The following ZFP91 variants were observed in gnomAD, a reference collection of about 807,000 sequenced individuals.
ZFP91 encodes E3 ubiquitin-protein ligase ZFP91.
In ZFP91, 7 loss-of-function variants were observed where a neutral mutation model predicts 63.5. The observed-to-expected ratio is 0.11, with a 90% CI of 0.06 to 0.21. The LOEUF (loss-of-function observed/expected upper bound fraction) is 0.21, where lower values mean the gene tolerates loss of function less well. ZFP91 is among the 10% of genes least tolerant of loss of function. The pLI is 1.00. For synonymous variants in ZFP91, 330 were observed against 272.1 expected (o/e 1.21, Z -2.10); for missense variants, 628 against 736.6 (o/e 0.85, Z 1.71).
At chr11:58,596,520 T>C (rs946345275) in intron 2 of ZFP91, among the ~76,000 whole-genome samples, 1 of 152,206 alleles carries the variant, frequency 6.6e-6, no homozygotes, top group African/African-American at 2.4e-5. Flanking sequence ...AAGTTTTTAA[T>C]GTTAGTTTGT....
In ZFP91 at chr11:58,579,072, G is replaced by GCC. The variant is rs1429684664; in HGVS notation, c.-209_-208insCC. On this transcript the variant is annotated 5_prime_UTR_variant, in exon 1 of 11. Transcript: ENST00000316059. Reference sequence around the variant, plus strand: ...GGCCCGCTGAGCGTCTGTGGCGCGCGCGCGCGCGCCGCCAGCGGTAGCGGA... The same window carrying GCC: ...GGCCCGCTGAGCGTCTGTGGCGCGCGCCCGCGCGCGCCGCCAGCGGTAGCGGA... 2.7e-6 allele frequency: 1 copy of GCC among 371,850 alleles called. No homozygotes were observed. The highest frequency in any genetic ancestry group is 4.7e-6 in the Non-Finnish European group (1 of 213,082). 23.0% of individuals were successfully genotyped at this position (371,850 alleles called of 1,614,324 possible). A position where few individuals can be genotyped will look rare whatever the true frequency, so the allele number is the denominator to read the frequency against.
rs977509730 is a variant in ZFP91, at chr11:58,618,342, A to G, written c.*636A>G. 2 of 196,886 alleles carry G rather than the reference A, an allele frequency of 1.0e-5. No individual in the cohort carries two copies. The highest frequency in any genetic ancestry group is 4.8e-5 in the African/African-American group (2 of 42,046). 12.2% of individuals were successfully genotyped at this position (196,886 alleles called of 1,614,324 possible). Reference sequence around the variant, plus strand: ...CACCTCCCCCTTCTTTGATCCCAGCATCTCAGTCCCCCTCCCAACCCTCCA... The same window carrying G: ...CACCTCCCCCTTCTTTGATCCCAGCGTCTCAGTCCCCCTCCCAACCCTCCA... On this transcript the variant is annotated 3_prime_UTR_variant, in exon 11 of 11. Transcript: ENST00000316059.
intron 7 of ZFP91, 116 bp downstream of exon 7, chr11:58,612,444 G>A (rs1855681028): frequency 3.1e-6 from 3 of 983,590 alleles, no homozygotes; most frequent in African/African-American, 1.6e-5. Context: ...TTTCACAAAA[G>A]CAACTTCACT....
chr11:58,612,570 A>G, intron 7 of ZFP91, 192 bp from the exon 8 acceptor site: 1 of 623,626 alleles, frequency 1.6e-6, no homozygotes, highest in Non-Finnish European at 2.8e-6. Context: ...TTACTTTTTA[A>G]TTCTGTCAAA....
intron 2 of ZFP91, among the ~76,000 whole-genome samples, chr11:58,589,996 A>G (rs907369412): frequency 3.9e-5 from 6 of 152,178 alleles, no homozygotes; most frequent in South Asian, 2.1e-4. Context: ...CGACACAGTT[A>G]TAAGTTTATT....
chr11:58,580,940 T>G (rs1015998099), intron 1 of ZFP91, among the ~76,000 whole-genome samples: 2 of 152,238 alleles, frequency 1.3e-5, no homozygotes, highest in African/African-American at 2.4e-5. Context: ...TTGTTTAATC[T>G]CATGAATTTG....
intron 2 of ZFP91, among the ~76,000 whole-genome samples, chr11:58,603,724 C>T (rs1230243884): frequency 6.6e-6 from 1 of 152,216 alleles, no homozygotes; most frequent in Non-Finnish European, 1.5e-5. Context: ...AACCATTATC[C>T]ACAAAAGCTT....
chr11:58,609,878 A>T lies in ZFP91; in HGVS notation c.419A>T (p.Glu140Val). ...GAAGACGATTCTGCCCTCCCTCAGG[A>T]AGTTTCCATTGCTGCATCTAGACCT... The part of the protein sequence containing the change: ...EEEDDSALPQ[E>V]VSIAASRPSR... The change falls in exon 3 of 11, where the codon GAA becomes GTA. Residue 140 changes from glutamate to valine, a missense_variant. Physicochemically the swap from Glu to Val is moderately radical, Grantham distance 121 (BLOSUM62 -2). Transcript: ENST00000316059. 1 of 1,614,210 alleles carries T rather than the reference A, an allele frequency of 6.2e-7. No homozygotes were observed. The highest frequency in any genetic ancestry group is 8.5e-7 in the Non-Finnish European group (1 of 1,180,044).
chr11:58,594,565 T>C (rs998490592), intron 2 of ZFP91, among the ~76,000 whole-genome samples: 1 of 152,228 alleles, frequency 6.6e-6, no homozygotes, highest in Non-Finnish European at 1.5e-5. Context: ...TTTGTTTTGC[T>C]CCAAAATTTT....
intron 2 of ZFP91, among the ~76,000 whole-genome samples, chr11:58,602,442 G>T (rs1490668926): frequency 6.6e-6 from 1 of 151,732 alleles, no homozygotes; most frequent in South Asian, 2.1e-4. Context: ...GATATATCTC[G>T]AGAGAGAGAT....
chr11:58,598,198 T>C (rs1372133410), intron 2 of ZFP91, among the ~76,000 whole-genome samples: 1 of 152,186 alleles, frequency 6.6e-6, no homozygotes, highest in East Asian at 1.9e-4. Flanking sequence ...ATACCATATA[T>C]AGTCTAAGAC....
intron 2 of ZFP91, among the ~76,000 whole-genome samples, chr11:58,593,637 T>A (rs1200255949): frequency 6.6e-6 from 1 of 152,224 alleles, no homozygotes; most frequent in Non-Finnish European, 1.5e-5. Context: ...AATAATAGTT[T>A]GTTTTTATGT....
Position 58,579,208 on chromosome 11 carries a change from G to C in ZFP91, c.-74G>C. On this transcript the variant is annotated 5_prime_UTR_variant, in exon 1 of 11. Transcript: ENST00000316059. ...GCAGGCTTCGGGAGGCGAGGGGGCG[G>C]GGGGAGCAGCGCCGAGGCCGCCGCC... 2 of 1,254,526 alleles carry C rather than the reference G, an allele frequency of 1.6e-6. No homozygotes were observed. Among genetic ancestry groups the C allele is most frequent in the Non-Finnish European group, 2.1e-6 (2 of 969,446 alleles). 77.7% of individuals were successfully genotyped at this position (1,254,526 alleles called of 1,614,324 possible).
At chr11:58,603,334 G>C (rs1477779367) in intron 2 of ZFP91, among the ~76,000 whole-genome samples, 1 of 152,204 alleles carries the variant, frequency 6.6e-6, no homozygotes, top group East Asian at 1.9e-4. Flanking sequence ...AAATTTTTTA[G>C]TCTGTCCAAA....
At chr11:58,591,511 T>C (rs905686249) in intron 2 of ZFP91, among the ~76,000 whole-genome samples, 10 of 152,222 alleles carry the variant, frequency 6.6e-5, no homozygotes, top group Non-Finnish European at 1.3e-4. Flanking sequence ...TGGTACATTG[T>C]ATGAATTGCA....
At chr11:58,593,373 T>A (rs368331817) in intron 2 of ZFP91, among the ~76,000 whole-genome samples, 28 of 152,336 alleles carry the variant, frequency 1.8e-4, no homozygotes, top group African/African-American at 6.7e-4. Context: ...CAAATATTTT[T>A]CTCTGCTCTT....
chr11:58,619,263 G>T lies in ZFP91; in HGVS notation c.*1557G>T, dbSNP rs1413873867. On this transcript the variant is annotated 3_prime_UTR_variant, in exon 11 of 11. Coordinates refer to ENST00000316059, the MANE Select transcript of ZFP91 (RefSeq NM_053023.5). Reference sequence around the variant, plus strand: ...ACAATTTCCTTGGGATAGAGGTTGTGTTGGGGAATAGATTGCTTATTGCTG... The same window carrying T: ...ACAATTTCCTTGGGATAGAGGTTGTTTTGGGGAATAGATTGCTTATTGCTG... 2.6e-5 allele frequency: 4 copies of T among 152,386 alleles called. No homozygotes were observed. The East Asian group carries it at 7.7e-4, about 29-fold the overall frequency. 9.4% of individuals were successfully genotyped at this position (152,386 alleles called of 1,614,324 possible).
chr11:58,594,763 A>G (rs893853371), intron 2 of ZFP91, among the ~76,000 whole-genome samples: 7 of 152,216 alleles, frequency 4.6e-5, no homozygotes, highest in Non-Finnish European at 1.0e-4. Flanking sequence ...AAATGAGTAA[A>G]CTGTTTTGGA....
Position 58,611,640 on chromosome 11 carries a change from A to G in ZFP91, c.759A>G (p.Val253=), listed in dbSNP as rs540353146. The change falls in exon 6 of 11, where the codon GTA becomes GTG. Residue 253 remains valine (V), a synonymous_variant. Coordinates refer to ENST00000316059, the MANE Select transcript of ZFP91 (RefSeq NM_053023.5). The stretch of plus-strand genomic sequence containing the variant: ...AGCCACGGAGAAAATCAGGGAAGGT[A>G]AAAGAAGAGAAGGAGAAGAAGGAAA... ...TPKPRRKSGK[V]KEEKEKKEIK... is the part of the protein sequence containing the mutation. The G allele has an allele frequency of 5.0e-6, 8 of 1,612,946 alleles. No individual in the cohort carries two copies. In the East Asian group the frequency reaches 1.3e-4, roughly 27 times the overall value.
Sources: gnomAD v4.1 joint callset for allele counts (sites outside exome capture counted in the v4.1 genomes callset) on GRCh38, gnomAD v4.1.1 for gene constraint, MANE v1.5 for transcripts, NCBI Gene and HGNC (gene_info 2026-07-23, HGNC 2026-07-21) for gene names.